GRM8: variants seen among roughly 807,000 people sequenced by gnomAD.
GRM8 encodes the protein glutamate metabotropic receptor 8, also known as metabotropic glutamate receptor 8.
A neutral mutation model predicts 87.2 loss-of-function variants in GRM8; 47 were observed. The ratio of observed to expected loss-of-function variants is 0.54; its 90% CI spans 0.43 to 0.69. The LOEUF (loss-of-function observed/expected upper bound fraction) is 0.69, where lower values mean the gene tolerates loss of function less well. Among genes scored for constraint, GRM8 ranks in the 30% least tolerant of loss-of-function variants. The pLI is 0.00. For synonymous variants in GRM8, 396 were observed against 404.5 expected (o/e 0.98, Z 0.25); for missense variants, 1,019 against 1,139.2 (o/e 0.89, Z 1.52).
intron 3 of GRM8, among the ~76,000 whole-genome samples, chr7:126,982,826 GT>G (rs927893914): frequency 6.6e-6 from 1 of 152,058 alleles, no homozygotes; most frequent in Non-Finnish European, 1.5e-5. Flanking sequence ...GCAGGTCATG[GT>G]TTTTTTCCTG....
At chr7:126,691,351 G>A (rs1345877240) in intron 7 of GRM8, among the ~76,000 whole-genome samples, 1 of 152,190 alleles carries the variant, frequency 6.6e-6, no homozygotes, top group Non-Finnish European at 1.5e-5. Context: ...GTGGGGAGAG[G>A]CCAGGCAGAG....
chr7:126,524,534 G>A (rs1584936949), intron 9 of GRM8, among the ~76,000 whole-genome samples: 1 of 152,048 alleles, frequency 6.6e-6, no homozygotes, highest in South Asian at 2.1e-4. Flanking sequence ...TCAATTTTAA[G>A]AATTTTCTTT....
intron 6 of GRM8, among the ~76,000 whole-genome samples, chr7:126,806,428 A>G (rs527829741): frequency 6.6e-6 from 1 of 152,366 alleles, no homozygotes; most frequent in Non-Finnish European, 1.5e-5. Flanking sequence ...AAACCTCCAA[A>G]GTCCAGAAGA....
chr7:126,582,724 G>A (rs962023947), intron 8 of GRM8, among the ~76,000 whole-genome samples: 1 of 152,082 alleles, frequency 6.6e-6, no homozygotes, highest in South Asian at 2.1e-4. Flanking sequence ...GAAAAACCTA[G>A]GGCCCTTTAG....
At chr7:126,943,152 T>C (rs1379985691) in intron 3 of GRM8, among the ~76,000 whole-genome samples, 1 of 152,176 alleles carries the variant, frequency 6.6e-6, no homozygotes, top group Non-Finnish European at 1.5e-5. Context: ...CTGGACCCCA[T>C]GAAACTGGAG....
intron 3 of GRM8, among the ~76,000 whole-genome samples, chr7:127,060,932 T>C (rs1386234616): frequency 1.3e-5 from 2 of 152,166 alleles, no homozygotes; most frequent in East Asian, 3.9e-4. Flanking sequence ...CTTTTTCAAA[T>C]AGGGACACAT....
intron 6 of GRM8, among the ~76,000 whole-genome samples, chr7:126,776,728 C>T (rs1819516306): frequency 6.6e-6 from 1 of 152,168 alleles, no homozygotes; most frequent in South Asian, 2.1e-4. Flanking sequence ...TCTAACACCA[C>T]AACCAATTAA....
At chr7:126,691,113 C>T (rs914184208) in intron 7 of GRM8, among the ~76,000 whole-genome samples, 14 of 152,212 alleles carry the variant, frequency 9.2e-5, no homozygotes, top group Admixed American at 7.2e-4. Flanking sequence ...CCCATGGCGT[C>T]CAGGCTATTC....
At chr7:127,000,194 ACAAT>A (rs1220596941) in intron 3 of GRM8, among the ~76,000 whole-genome samples, 1 of 149,424 alleles carries the variant, frequency 6.7e-6, no homozygotes, top group Non-Finnish European at 1.5e-5. Flanking sequence ...AAAAATTAAA[ACAAT>A]TGAACTCATG....
chr7:127,011,201 C>A (rs1013429314), intron 3 of GRM8, among the ~76,000 whole-genome samples: 12 of 152,058 alleles, frequency 7.9e-5, no homozygotes, highest in East Asian at 5.8e-4. Context: ...AAACTCACAG[C>A]AATACTTACG....
chr7:126,906,601 C>A (rs1355146921), intron 3 of GRM8, among the ~76,000 whole-genome samples: 1 of 152,160 alleles, frequency 6.6e-6, no homozygotes, highest in African/African-American at 2.4e-5. Flanking sequence ...ATATGCTGAG[C>A]TTTATGCTTT....
intron 9 of GRM8, among the ~76,000 whole-genome samples, chr7:126,456,520 A>AAAAT (rs1803254118): frequency 6.8e-5 from 1 of 14,804 alleles, no homozygotes; most frequent in East Asian, 6.0e-3. Context: ...GCAGCAAGCT[A>AAAAT]AAAAAAAAAA....
In GRM8 at chr7:126,438,876, A is replaced by G. The variant is rs1801133352; in HGVS notation, c.*243T>C. The G allele has an allele frequency of 2.5e-6, 1 of 398,392 alleles. No homozygotes were observed. The highest frequency in any genetic ancestry group is 5.8e-5 in the South Asian group (1 of 17,148). 24.7% of individuals were successfully genotyped at this position (398,392 alleles called of 1,614,324 possible). A position where few individuals can be genotyped will look rare whatever the true frequency, so the allele number is the denominator to read the frequency against. ...TAGTTTTCCTTTTGTGATTTGTTTTAACTGCTCATGAATAAGCAATACTTT... is the reference window on the plus strand; with the variant it reads ...TAGTTTTCCTTTTGTGATTTGTTTTGACTGCTCATGAATAAGCAATACTTT... On this transcript the variant is annotated 3_prime_UTR_variant, in exon 11 of 11. Transcript: ENST00000339582.
At chr7:126,715,652 T>C (rs1010617270) in intron 7 of GRM8, among the ~76,000 whole-genome samples, 4 of 152,214 alleles carry the variant, frequency 2.6e-5, no homozygotes, top group African/African-American at 9.6e-5. Flanking sequence ...ATACATTTAT[T>C]GAAAAAAATT....
At chr7:127,186,286 C>A (rs759318114) in intron 2 of GRM8, among the ~76,000 whole-genome samples, 1 of 152,008 alleles carries the variant, frequency 6.6e-6, no homozygotes, top group Admixed American at 6.6e-5. Flanking sequence ...ATGTTCAAAC[C>A]AAGACTTGTA....
intron 2 of GRM8, among the ~76,000 whole-genome samples, chr7:127,107,365 C>A (rs562071823): frequency 6.6e-6 from 1 of 152,238 alleles, no homozygotes; most frequent in South Asian, 2.1e-4. Flanking sequence ...AAAGGGAATC[C>A]AGACCATAAA....
intron 3 of GRM8, among the ~76,000 whole-genome samples, chr7:126,967,200 T>C (rs1809965532): frequency 6.6e-6 from 1 of 152,170 alleles, no homozygotes; most frequent in Admixed American, 6.5e-5. Flanking sequence ...TCTCCCTTTA[T>C]ATATCATGTA....
intron 7 of GRM8, among the ~76,000 whole-genome samples, chr7:126,769,182 T>G (rs1156931863): frequency 6.6e-6 from 1 of 152,124 alleles, no homozygotes; most frequent in Non-Finnish European, 1.5e-5. Flanking sequence ...GCAACTCTCA[T>G]GAAAGAACAG....
intron 7 of GRM8, among the ~76,000 whole-genome samples, chr7:126,661,407 A>T (rs921651955): frequency 5.9e-5 from 9 of 152,226 alleles, no homozygotes; most frequent in Non-Finnish European, 1.2e-4. Flanking sequence ...CATATGTTTT[A>T]AAAAACTCAG....
Sources: gnomAD v4.1 joint callset for allele counts (sites outside exome capture counted in the v4.1 genomes callset) on GRCh38, gnomAD v4.1.1 for gene constraint, MANE v1.5 for transcripts, NCBI Gene and HGNC (gene_info 2026-07-23, HGNC 2026-07-21) for gene names.